The following DUSP29 variants were observed in gnomAD, a reference collection of about 807,000 sequenced individuals.
DUSP29 encodes atypical dual-specific protein phosphatase.
In DUSP29, 12 loss-of-function variants were observed where a neutral mutation model predicts 13.5. The observed-to-expected ratio is 0.89, with a 90% CI of 0.57 to 1.44. DUSP29 has a LOEUF of 1.44. Among genes scored for constraint, DUSP29 ranks in the 40% most tolerant of loss-of-function variants. The pLI is 0.00. For missense variants in DUSP29, 308 were observed against 301.1 expected (o/e 1.02, Z -0.17); for synonymous variants, 134 against 128.7 (o/e 1.04, Z -0.28).
rs182436433 is a variant in DUSP29, at chr10:75,072,229, G to A, written c.-35+1340C>T. On this transcript the variant is annotated intron_variant, in intron 1 of 3. Coordinates refer to ENST00000338487, the MANE Select transcript of DUSP29 (RefSeq NM_001003892.3). ...CTAATTGAGCCAGTTAACACAAGCC[G>A]CCTATAGACAGCAAACTAAAAGAGC... is the stretch of plus-strand genomic sequence containing the variant. Among the ~76,000 whole-genome samples the A allele has an allele frequency of 3.4e-4, 52 of 152,260 alleles. 1 individual carries two copies. The highest frequency in any genetic ancestry group is 4.6e-4 in the Admixed American group (7 of 15,296).
At chr10:75,043,494 C>T (rs1846628493) in intron 3 of DUSP29, among the ~76,000 whole-genome samples, 1 of 152,186 alleles carries the variant, frequency 6.6e-6, no homozygotes, top group Non-Finnish European at 1.5e-5. Flanking sequence ...AATCAAGGCC[C>T]GAACCCCACC....
rs768985880 is a variant in DUSP29 at position 75,043,993 on chromosome 10, C to T, written c.225G>A (p.Arg75=). The T allele has an allele frequency of 2.0e-5, 32 of 1,612,110 alleles. 2 individuals are homozygous for T. In the South Asian group the frequency reaches 3.2e-4, roughly 16 times the overall value. Residue 75 remains arginine (R), a synonymous_variant, in exon 3 of 4, where the codon AGG becomes AGA. Coordinates refer to ENST00000338487, the MANE Select transcript of DUSP29 (RefSeq NM_001003892.3). ...GDEATALDRY[R]LQKAGFTHVL... The stretch of plus-strand genomic sequence containing the variant: ...CGTGCGTGAACCCCGCCTTCTGCAG[C>T]CTATAGCGGTCCAGCGCCGTCGCCC...
At chr10:75,045,696 G>T (rs926455884) in intron 2 of DUSP29, among the ~76,000 whole-genome samples, 7 of 152,220 alleles carry the variant, frequency 4.6e-5, no homozygotes, top group African/African-American at 1.7e-4. Context: ...TAGGAGTTTG[G>T]AAAGGTAGAG....
intron 1 of DUSP29, among the ~76,000 whole-genome samples, chr10:75,072,777 G>A (rs988424558): frequency 4.6e-5 from 7 of 151,908 alleles, no homozygotes; most frequent in African/African-American, 2.4e-5. Context: ...CAGAGCCCCC[G>A]GGCCCAACTG....
At chr10:75,058,080 G>A (rs1233917383) in intron 2 of DUSP29, among the ~76,000 whole-genome samples, 7 of 152,152 alleles carry the variant, frequency 4.6e-5, no homozygotes, top group Admixed American at 6.5e-5. Flanking sequence ...TGCAGTGGCC[G>A]TGCCAGCCCC....
chr10:75,052,981 A>G (rs1846877425), intron 2 of DUSP29, among the ~76,000 whole-genome samples: 1 of 152,220 alleles, frequency 6.6e-6, no homozygotes, highest in Non-Finnish European at 1.5e-5. Flanking sequence ...ATGGTTTGCT[A>G]GGTCTCTCTT....
Position 75,037,939 on chromosome 10 carries a change from C to T in DUSP29, c.560G>A (p.Arg187Gln), listed in dbSNP as rs956170734. 1.5e-5 allele frequency: 25 copies of T among 1,613,842 alleles called. No homozygotes were observed. In the East Asian group the frequency reaches 2.2e-4, roughly 14 times the overall value. Residue 187 changes from arginine (R) to glutamine (Q), a missense_variant, in exon 4 of 4, where the codon CGG (arginine) becomes CAG (glutamine). Transcript: ENST00000338487. ...VAKNRCVLPNRGFLKQLRELD... is the reference protein window; with the variant it reads ...VAKNRCVLPNQGFLKQLRELD... ...CTCCCGGAGCTGCTTCAAAAAGCCC[C>T]GGTTCGGGAGGACGCAGCGGTTCTT...
intron 2 of DUSP29, among the ~76,000 whole-genome samples, chr10:75,047,133 C>T (rs1846724539): frequency 1.3e-5 from 2 of 152,320 alleles, no homozygotes; most frequent in East Asian, 1.9e-4. Context: ...CCCTGAGACC[C>T]GGTGGGTATT....
At position 75,043,894 on chromosome 10, in the gene DUSP29, G is replaced by A. The variant is rs183707898; in HGVS notation, c.324C>T (p.Tyr108=). 1.9e-6 allele frequency: 3 copies of A among 1,614,064 alleles called. No individual in the cohort carries two copies. Among genetic ancestry groups the A allele is most frequent in the East Asian group, 2.2e-5 (1 of 44,880 alleles). Residue 108 remains tyrosine (Y), a synonymous_variant, in exon 3 of 4, where the codon TAC becomes TAT. Transcript: ENST00000338487. ...PDYYRDMDIQ[Y]HGVEADDLPT... ...GCAGGTCGTCGGCCTCCACGCCGTG[G>A]TACTGGATGTCCATGTCGCGGTAGT...
chr10:75,045,081 G>A (rs1846675896), intron 2 of DUSP29, among the ~76,000 whole-genome samples: 1 of 152,248 alleles, frequency 6.6e-6, no homozygotes, highest in Admixed American at 6.5e-5. Flanking sequence ...CAGGGGCCGA[G>A]CACAATGGCT....
intron 2 of DUSP29, among the ~76,000 whole-genome samples, chr10:75,053,128 TG>T (rs755565294): frequency 3.3e-5 from 5 of 152,218 alleles, no homozygotes; most frequent in Admixed American, 2.0e-4. Flanking sequence ...ATCATTGCTG[TG>T]GCCGGCCACC....
At chr10:75,065,452 C>T (rs556028718) in intron 1 of DUSP29, among the ~76,000 whole-genome samples, 9 of 151,974 alleles carry the variant, frequency 5.9e-5, no homozygotes, top group Admixed American at 1.3e-4. Flanking sequence ...CCTCAGCCTC[C>T]GGAGTAGCTG....
rs969783344 is a variant in DUSP29 at position 75,042,269 on chromosome 10, C to G, written c.421+1528G>C. On this transcript the variant is annotated intron_variant, in intron 3 of 3. Coordinates refer to ENST00000338487, the MANE Select transcript of DUSP29 (RefSeq NM_001003892.3). Reference sequence around the variant, plus strand: ...GTGTGACAGAAATGTAAACCCAGCCCTGTCTTCTCCGAAGCCTGCCAGGCC... The same window carrying G: ...GTGTGACAGAAATGTAAACCCAGCCGTGTCTTCTCCGAAGCCTGCCAGGCC... Among the ~76,000 whole-genome samples, 4 of 152,262 alleles carry G rather than the reference C, an allele frequency of 2.6e-5. No homozygotes were observed. In the South Asian group the frequency reaches 8.3e-4, roughly 31 times the overall value.
chr10:75,056,191 G>T (rs1246061884), intron 2 of DUSP29, among the ~76,000 whole-genome samples: 3 of 152,016 alleles, frequency 2.0e-5, no homozygotes, highest in Non-Finnish European at 4.4e-5. Context: ...GATTACAGGT[G>T]TGAGTCATAG....
chr10:75,043,715 G>A, intron 3 of DUSP29, 82 bp downstream of exon 3: 2 of 1,287,802 alleles, frequency 1.6e-6, no homozygotes, highest in Non-Finnish European at 2.1e-6. Context: ...GGGCGGGGAA[G>A]GGGCGGGGCC....
intron 3 of DUSP29, among the ~76,000 whole-genome samples, chr10:75,041,017 A>G (rs1846569660): frequency 6.6e-6 from 1 of 152,230 alleles, no homozygotes; most frequent in Non-Finnish European, 1.5e-5. Flanking sequence ...AAACCAGTCA[A>G]TGAGAACAAA....
rs540191767 is a variant in DUSP29, at chr10:75,061,681, G to A, written c.-34-3133C>T. Among the ~76,000 whole-genome samples the A allele has an allele frequency of 1.1e-3, 175 of 152,320 alleles. 1 individual carries two copies. The highest frequency in any genetic ancestry group is 4.1e-3 in the African/African-American group (170 of 41,572). On this transcript the variant is annotated intron_variant, in intron 1 of 3. Transcript: ENST00000338487. ...TCAAAATGCCTCCCGCTGTCCCAGTGGGGTGGGAGGCCCGGTCTTTGGCCC... is the reference window on the plus strand; with the variant it reads ...TCAAAATGCCTCCCGCTGTCCCAGTAGGGTGGGAGGCCCGGTCTTTGGCCC...
At chr10:75,062,081 A>G (rs536411373) in intron 1 of DUSP29, among the ~76,000 whole-genome samples, 1 of 152,318 alleles carries the variant, frequency 6.6e-6, no homozygotes, top group Admixed American at 6.5e-5. Flanking sequence ...AGGAAGGAAG[A>G]AATTATTTTA....
intron 1 of DUSP29, among the ~76,000 whole-genome samples, chr10:75,066,958 C>T (rs1247664646): frequency 2.1e-5 from 3 of 139,594 alleles, no homozygotes; most frequent in African/African-American, 5.4e-5. Context: ...TTTTCTTTTT[C>T]TTTTTTTTTT....
Sources: allele counts gnomAD v4.1 joint callset (sites outside exome capture counted in the v4.1 genomes callset), GRCh38; gene constraint gnomAD v4.1.1; transcripts MANE v1.5; gene names NCBI Gene and HGNC (gene_info 2026-07-23, HGNC 2026-07-21).